Variants in EDIL3 observed in about 807,000 individuals in gnomAD.
The protein encoded by EDIL3 is EGF-like repeat and discoidin I-like domain-containing protein 3.
EDIL3 carries 37 observed loss-of-function variants against 67.4 expected under a neutral mutation model. The ratio of observed to expected loss-of-function variants is 0.55; its 90% confidence interval spans 0.42 to 0.72. The LOEUF (loss-of-function observed/expected upper bound fraction) is 0.72. Among genes scored for constraint, EDIL3 ranks in the 30% least tolerant of loss-of-function variants. EDIL3 has a pLI of 0.00. For synonymous variants in EDIL3, 195 were observed against 196.3 expected (o/e 0.99, Z 0.05); for missense variants, 527 against 586.3 (o/e 0.90, Z 1.04).
intron 1 of EDIL3, 82 bp downstream of exon 1, chr5:84,384,226 C>T: frequency 6.7e-7 from 1 of 1,499,996 alleles, no homozygotes; most frequent in Non-Finnish European, 9.0e-7. Context: ...GCCGGAGGGA[C>T]CGCCTCCGGC....
intron 6 of EDIL3, among the ~76,000 whole-genome samples, chr5:84,101,534 G>T (rs886562991): frequency 4.6e-5 from 7 of 151,986 alleles, no homozygotes; most frequent in African/African-American, 1.7e-4. Flanking sequence ...ATCAGCAACT[G>T]CTGTGAACAC....
intron 3 of EDIL3, among the ~76,000 whole-genome samples, chr5:84,200,451 C>G (rs1743807565): frequency 6.6e-6 from 1 of 151,636 alleles, no homozygotes; most frequent in African/African-American, 2.4e-5. Context: ...ATCCCCAGAC[C>G]TAAAGTAACA....
intron 1 of EDIL3, among the ~76,000 whole-genome samples, chr5:84,363,597 T>C (rs1747660278): frequency 6.6e-6 from 1 of 152,196 alleles, no homozygotes; most frequent in African/African-American, 2.4e-5. Flanking sequence ...CAACTGATAC[T>C]GTATTAAAGG....
intron 9 of EDIL3, among the ~76,000 whole-genome samples, chr5:84,050,798 G>C (rs750653073): frequency 2.2e-4 from 34 of 152,190 alleles, no homozygotes; most frequent in Non-Finnish European, 4.1e-4. Flanking sequence ...GCTTGAGAAG[G>C]TAAACAAAGC....
rs549643550 is a variant in EDIL3, at chr5:84,073,122, A to T, written c.652-6516T>A. On this transcript the variant is annotated intron_variant, in intron 6 of 10. Transcript: ENST00000296591. ...ACATGATTATCTCAATAGATGCAGA[A>T]AAGGCCTTTGACAAAATTCAACAAC... Among the ~76,000 whole-genome samples, 15 of 152,288 alleles carry T rather than the reference A, an allele frequency of 9.8e-5. No individual in the cohort carries two copies. In the South Asian group the frequency reaches 2.5e-3, roughly 25 times the overall value.
chr5:84,192,031 C>A (rs559248744), intron 3 of EDIL3, among the ~76,000 whole-genome samples: 1 of 152,094 alleles, frequency 6.6e-6, no homozygotes, highest in African/African-American at 2.4e-5. Flanking sequence ...CAGAACAACA[C>A]CAAGTAGTTA....
intron 3 of EDIL3, among the ~76,000 whole-genome samples, chr5:84,228,642 A>G (rs534264028): frequency 6.6e-6 from 1 of 152,196 alleles, no homozygotes; most frequent in African/African-American, 2.4e-5. Flanking sequence ...GGCAGTTTAT[A>G]GTTATAATGA....
chr5:84,123,017 A>G (rs1747805668), intron 5 of EDIL3, among the ~76,000 whole-genome samples: 1 of 151,936 alleles, frequency 6.6e-6, no homozygotes, highest in African/African-American at 2.4e-5. Context: ...TGCCTACCTC[A>G]AGAACTTCTA....
rs557021658 is a variant in EDIL3 at position 84,367,512 on chromosome 5, T to C, written c.67+16796A>G. On this transcript the variant is annotated intron_variant, in intron 1 of 10. Coordinates refer to ENST00000296591, the MANE Select transcript of EDIL3 (RefSeq NM_005711.5). ...AAAAGGGAATCTGAGCTAGGAGCGG[T>C]GGCTCATGCCTGTAATCCCAGCACT... 2.4e-4 allele frequency among the ~76,000 whole-genome samples: 36 copies of C among 152,316 alleles called. No homozygotes were observed. The South Asian group carries it at 7.0e-3, about 30-fold the overall frequency.
intron 6 of EDIL3, among the ~76,000 whole-genome samples, chr5:84,085,492 G>T (rs756788246): frequency 1.3e-5 from 2 of 152,192 alleles, no homozygotes; most frequent in African/African-American, 4.8e-5. Context: ...GTTCACCTGG[G>T]TATCATCACT....
chr5:84,175,410 C>T (rs1304998671), intron 4 of EDIL3, among the ~76,000 whole-genome samples: 3 of 151,962 alleles, frequency 2.0e-5, no homozygotes, highest in African/African-American at 7.3e-5. Flanking sequence ...CATAGCAATC[C>T]CCATTATATT....
chr5:84,233,236 A>G lies in EDIL3; in HGVS notation c.197-3352T>C, dbSNP rs536018764. Among the ~76,000 whole-genome samples, 3 of 152,298 alleles carry G rather than the reference A, an allele frequency of 2.0e-5. No homozygotes were observed. In the East Asian group the frequency reaches 5.8e-4, roughly 29 times the overall value. On this transcript the variant is annotated intron_variant, in intron 2 of 10. Coordinates refer to ENST00000296591, the MANE Select transcript of EDIL3 (RefSeq NM_005711.5). Reference sequence around the variant, plus strand: ...TTTAAGTAAGTGTAATCCTCCTATCACCCATAACAGAATCTTCCTGGGTGT... The same window carrying G: ...TTTAAGTAAGTGTAATCCTCCTATCGCCCATAACAGAATCTTCCTGGGTGT...
At chr5:84,050,664 A>T (rs1746318054) in intron 9 of EDIL3, among the ~76,000 whole-genome samples, 1 of 152,204 alleles carries the variant, frequency 6.6e-6, no homozygotes, top group South Asian at 2.1e-4. Context: ...CCAGGAGATT[A>T]TATCCTGCGC....
intron 9 of EDIL3, among the ~76,000 whole-genome samples, chr5:83,990,498 AAAG>A (rs1158897757): frequency 6.6e-6 from 1 of 151,392 alleles, no homozygotes; most frequent in Non-Finnish European, 1.5e-5. Context: ...AAAAAAAAAA[AAAG>A]AAAGAAAAGA....
chr5:84,034,401 A>C (rs960618652), intron 9 of EDIL3, among the ~76,000 whole-genome samples: 4 of 152,102 alleles, frequency 2.6e-5, no homozygotes, highest in African/African-American at 9.7e-5. Context: ...TTTAGGTGGG[A>C]ATTAGTGATG....
chr5:84,179,671 T>C (rs1343387295), intron 4 of EDIL3, among the ~76,000 whole-genome samples: 2 of 152,146 alleles, frequency 1.3e-5, no homozygotes, highest in Non-Finnish European at 2.9e-5. Context: ...CTGATCAACA[T>C]TCTGTCCCTC....
chr5:84,381,163 T>C (rs549642992), intron 1 of EDIL3, among the ~76,000 whole-genome samples: 26 of 152,250 alleles, frequency 1.7e-4, no homozygotes, highest in East Asian at 7.7e-4. Flanking sequence ...CCCAAAACCA[T>C]ATACATTTAA....
At chr5:84,243,219 GT>G (rs200018266) in intron 2 of EDIL3, among the ~76,000 whole-genome samples, 2,817 of 152,292 alleles carry the variant, frequency 0.018, 86 homozygotes, top group African/African-American at 0.064. Context: ...ACACTTCAGT[GT>G]TTATCACCTG....
chr5:84,114,485 G>A (rs903547081), intron 5 of EDIL3, among the ~76,000 whole-genome samples: 3 of 152,104 alleles, frequency 2.0e-5, no homozygotes, highest in African/African-American at 7.2e-5. Context: ...CTCTGGTTAT[G>A]GCACTGAGAA....
Sources: allele counts gnomAD v4.1 joint callset (sites outside exome capture counted in the v4.1 genomes callset), GRCh38; gene constraint gnomAD v4.1.1; transcripts MANE v1.5; gene names NCBI Gene and HGNC (gene_info 2026-07-23, HGNC 2026-07-21).